Variants in NKIRAS1 observed in about 807,000 individuals in gnomAD.
NKIRAS1 encodes the protein NF-kappa-B inhibitor-interacting Ras-like protein 1.
In NKIRAS1, 16 loss-of-function variants were observed where a neutral mutation model predicts 19.8. That is an observed-to-expected ratio of 0.81 (90% CI 0.55 to 1.23). The LOEUF is 1.23. Ranked by LOEUF, NKIRAS1 falls within the 50% of genes most tolerant of loss-of-function variation. NKIRAS1 has a pLI of 0.00. For missense variants in NKIRAS1, 184 were observed against 220.0 expected (o/e 0.84, Z 1.04); for synonymous variants, 88 against 79.0 (o/e 1.11, Z -0.61).
intron 1 of NKIRAS1, among the ~76,000 whole-genome samples, chr3:23,930,397 A>G (rs1302421719): frequency 6.6e-6 from 1 of 152,128 alleles, no homozygotes; most frequent in Non-Finnish European, 1.5e-5. Context: ...AGCTAGTTAC[A>G]TCATGGCAGT....
At chr3:23,920,494 T>A (rs913812729), upstream of NKIRAS1, 38 of 984,054 alleles carry the variant, frequency 3.9e-5, no homozygotes, top group Non-Finnish European at 4.3e-5. Context: ...ACTTTGACTA[T>A]GAGTATACCA....
intron 1 of NKIRAS1, among the ~76,000 whole-genome samples, chr3:23,943,203 C>A (rs925839379): frequency 6.6e-6 from 1 of 152,200 alleles, no homozygotes; most frequent in Non-Finnish European, 1.5e-5. Flanking sequence ...CTTTAGTAAC[C>A]ACTGATCTTT....
upstream of NKIRAS1, chr3:23,921,710 G>A (rs368292611): frequency 9.5e-4 from 619 of 652,120 alleles, no homozygotes; most frequent in Middle Eastern, 7.4e-3. Context: ...AAATAGCCAG[G>A]ACTACAGGCG....
At chr3:23,893,917 G>C (rs1291764287) in intron 4 of NKIRAS1, among the ~76,000 whole-genome samples, 2 of 151,352 alleles carry the variant, frequency 1.3e-5, no homozygotes, top group East Asian at 3.9e-4. Flanking sequence ...CTAGGATACA[G>C]ACTGGTTTCA....
intron 1 of NKIRAS1, chr3:23,945,590 T>C: frequency 8.6e-7 from 1 of 1,159,688 alleles, no homozygotes; most frequent in Non-Finnish European, 1.1e-6. Flanking sequence ...TGGAGGTGAA[T>C]GCAGGTAAGA....
rs895277997 is a variant in NKIRAS1, at chr3:23,927,946, G to A, written c.-139-16496C>T. 6.6e-5 allele frequency among the ~76,000 whole-genome samples: 10 copies of A among 152,046 alleles called. No homozygotes were observed. Among genetic ancestry groups the A allele is most frequent in the African/African-American group, 2.2e-4 (9 of 41,388 alleles). ...ATTAAACAATTAGCCTGGTCTGGTGGTGCATGCCAGTAGTACCAGATATGC... is the reference window on the plus strand; with the variant it reads ...ATTAAACAATTAGCCTGGTCTGGTGATGCATGCCAGTAGTACCAGATATGC... On this transcript the variant is annotated intron_variant, in intron 1 of 4. Coordinates refer to the NKIRAS1 transcript ENST00000421515. The surrounding 1 kb of genome is among the most constrained non-coding windows in gnomAD (Gnocchi z 4.0).
chr3:23,901,464 G>A (rs1428644091), intron 3 of NKIRAS1, among the ~76,000 whole-genome samples: 4 of 152,114 alleles, frequency 2.6e-5, no homozygotes, highest in Non-Finnish European at 4.4e-5. Flanking sequence ...GATTACGGGT[G>A]TGAGGCACTG....
At chr3:23,898,783 G>C (rs180959528) in intron 4 of NKIRAS1, among the ~76,000 whole-genome samples, 1 of 152,186 alleles carries the variant, frequency 6.6e-6, no homozygotes, top group East Asian at 1.9e-4. Context: ...CAACCCCTAG[G>C]TCATGCGCTG....
At chr3:23,943,511 G>C (rs771717962) in intron 1 of NKIRAS1, among the ~76,000 whole-genome samples, 29 of 152,238 alleles carry the variant, frequency 1.9e-4, no homozygotes, top group Non-Finnish European at 1.5e-4. Context: ...GATTACAGGC[G>C]TCAGCCCCCG....
chr3:23,909,043 T>A (rs537537539), intron 3 of NKIRAS1, among the ~76,000 whole-genome samples: 5 of 152,146 alleles, frequency 3.3e-5, no homozygotes, highest in Non-Finnish European at 7.4e-5. Flanking sequence ...ACAGCCCACA[T>A]AAACAGAAGT....
intron 1 of NKIRAS1, among the ~76,000 whole-genome samples, chr3:23,930,840 C>T (rs1307359741): frequency 2.0e-5 from 3 of 150,566 alleles, no homozygotes; most frequent in Non-Finnish European, 4.4e-5. Flanking sequence ...GTAGCTGGGA[C>T]TATAGGTGCA....
rs931720725 is a variant in NKIRAS1, at chr3:23,892,400, A to G, written c.*695T>C. On this transcript the variant is annotated 3_prime_UTR_variant, in exon 5 of 5. Transcript: ENST00000425478. ...GTCCTTAAGTGCCTAATCATTTTCAAGAGGAGGAGCAAACAGTTTGCCCTC... is the reference window on the plus strand; with the variant it reads ...GTCCTTAAGTGCCTAATCATTTTCAGGAGGAGGAGCAAACAGTTTGCCCTC... 2.0e-5 allele frequency: 3 copies of G among 152,250 alleles called. No homozygotes were observed. The highest frequency in any genetic ancestry group is 4.4e-5 in the Non-Finnish European group (3 of 68,048). The allele number at this position is 152,250 out of a possible 1,614,324, so 9.4% of individuals were successfully genotyped here.
intron 1 of NKIRAS1, among the ~76,000 whole-genome samples, chr3:23,928,332 A>G (rs1223853092): frequency 1.4e-5 from 2 of 146,546 alleles, no homozygotes; most frequent in East Asian, 1.9e-4. Context: ...ATAAATAAAT[A>G]AATGTTATCA....
At chr3:23,937,747 A>C (rs769022539) in intron 1 of NKIRAS1, among the ~76,000 whole-genome samples, 2 of 152,074 alleles carry the variant, frequency 1.3e-5, no homozygotes, top group Non-Finnish European at 1.5e-5. Context: ...TGCAGCACTT[A>C]AAAAAATTCA....
At chr3:23,900,635 C>A (rs567821193) in intron 4 of NKIRAS1, among the ~76,000 whole-genome samples, 173 bp downstream of exon 4, 1 of 120,020 alleles carries the variant, frequency 8.3e-6, no homozygotes, top group Non-Finnish European at 1.8e-5. Flanking sequence ...GAGCGAGACT[C>A]CGTCTCAAAA....
At chr3:23,940,749 A>G (rs1575136248) in intron 1 of NKIRAS1, among the ~76,000 whole-genome samples, 1 of 152,210 alleles carries the variant, frequency 6.6e-6, no homozygotes, top group African/African-American at 2.4e-5. Flanking sequence ...TTTAAAATAA[A>G]GACATATTAT....
At chr3:23,938,020 T>C (rs1258505891) in intron 1 of NKIRAS1, among the ~76,000 whole-genome samples, 2 of 152,120 alleles carry the variant, frequency 1.3e-5, no homozygotes, top group African/African-American at 4.8e-5. Flanking sequence ...TTAGTGACCT[T>C]CAGCTCCACA....
upstream of NKIRAS1, chr3:23,919,765 C>T (rs1424622749): frequency 1.7e-6 from 2 of 1,167,808 alleles, no homozygotes; most frequent in Non-Finnish European, 2.1e-6. Flanking sequence ...GTATAACAGG[C>T]TTAATAAATT....
chr3:23,937,721 T>C (rs1705421189), intron 1 of NKIRAS1, among the ~76,000 whole-genome samples: 2 of 152,224 alleles, frequency 1.3e-5, no homozygotes, highest in South Asian at 4.1e-4. Context: ...ATCTGTTTAG[T>C]ATGTTATTAA....
Sources: allele counts gnomAD v4.1 joint callset (sites outside exome capture counted in the v4.1 genomes callset), GRCh38; gene constraint gnomAD v4.1.1; non-coding constraint Gnocchi (gnomAD v3.1); transcripts MANE v1.5; gene names NCBI Gene and HGNC (gene_info 2026-07-23, HGNC 2026-07-21).